The following MGAT4D variants were observed in gnomAD, a reference collection of about 807,000 sequenced individuals.
The protein encoded by MGAT4D is MGAT4 family member D.
MGAT4D carries 34 observed loss-of-function variants against 15.9 expected under a neutral mutation model. The observed-to-expected ratio is 2.14, with a 90% CI of 1.62 to 2.84. MGAT4D has a LOEUF of 2.84. MGAT4D is among the 30% of genes most tolerant of loss of function. The pLI is 0.00. For missense variants in MGAT4D, 327 were observed against 140.2 expected, an observed-to-expected ratio of 2.33 and a Z score of -6.73; for synonymous variants, 112 against 48.2, an observed-to-expected ratio of 2.33 and a Z score of -5.49.
At chr4:140,470,050 G>A (rs1044964225) in intron 5 of MGAT4D, among the ~76,000 whole-genome samples, 78 of 152,390 alleles carry the variant, frequency 5.1e-4, no homozygotes, top group Middle Eastern at 3.4e-3. Context: ...CTCCCGCGGT[G>A]GCGGAGGTTC....
intron 8 of MGAT4D, chr4:140,458,333 G>A (rs1030040138): frequency 2.6e-5 from 4 of 152,134 alleles, no homozygotes; most frequent in Admixed American, 1.3e-4. Context: ...TTCACTTGTA[G>A]ACAGCAAAAC....
intron 3 of MGAT4D, 117 bp downstream of exon 3, chr4:140,479,373 T>C (rs931559845): frequency 4.1e-5 from 15 of 361,492 alleles, no homozygotes; most frequent in African/African-American, 3.1e-4. Context: ...TAATGCCAGA[T>C]AGGCTGTAGT....
At chr4:140,446,153 G>C (rs943754210) in intron 10 of MGAT4D, among the ~76,000 whole-genome samples, 4 of 152,112 alleles carry the variant, frequency 2.6e-5, no homozygotes, top group Non-Finnish European at 5.9e-5. Context: ...TCTCTGCCAG[G>C]TTTTGGTATC....
rs563766612 is a variant in MGAT4D at position 140,482,474 on chromosome 4, T to C, written c.106A>G (p.Ile36Val). 3.2e-6 allele frequency: 2 copies of C among 634,236 alleles called. No individual in the cohort carries two copies. Among genetic ancestry groups the C allele is most frequent in the East Asian group, 5.7e-5 (2 of 35,028 alleles). The allele number at this position is 634,236 out of a possible 1,614,324, so 39.3% of individuals were successfully genotyped here. Residue 36 changes from isoleucine to valine, a missense_variant, in exon 2 of 11, where the codon ATT (isoleucine) becomes GTT (valine). Ile to Val is a conservative substitution (Grantham distance 29). Transcript: ENST00000511113. ...TCCAAAATATGGTTTCTACAGTTAA[T>C]TAATTGATTATCTGCAATGAAAACA... ...YRITQTNNQL[I>V]NCRNHILEFK...
chr4:140,482,586 T>C (rs1281228953), intron 1 of MGAT4D, 101 bp from the exon 2 acceptor site: 3 of 491,614 alleles, frequency 6.1e-6, no homozygotes, highest in Non-Finnish European at 1.1e-5. Context: ...AATATAGTTA[T>C]ATATAGTACT....
At chr4:140,450,351 T>A (rs181287847) in intron 10 of MGAT4D, among the ~76,000 whole-genome samples, 1 of 152,176 alleles carries the variant, frequency 6.6e-6, no homozygotes, top group African/African-American at 2.4e-5. Flanking sequence ...CCCGTTATAA[T>A]AGCATCAAAA....
intron 5 of MGAT4D, among the ~76,000 whole-genome samples, chr4:140,467,740 G>A (rs979612005): frequency 1.3e-5 from 2 of 152,010 alleles, no homozygotes; most frequent in African/African-American, 4.8e-5. Context: ...ACTCTAGGTT[G>A]TTGCCATTAA....
At chr4:140,487,482 C>G (rs1470950520) in intron 1 of MGAT4D, among the ~76,000 whole-genome samples, 1 of 152,066 alleles carries the variant, frequency 6.6e-6, no homozygotes, top group Non-Finnish European at 1.5e-5. Context: ...TGCTAGTAGT[C>G]ACATTTTAAA....
chr4:140,485,805 T>A, intron 1 of MGAT4D, among the ~76,000 whole-genome samples: 1 of 18,164 alleles, frequency 5.5e-5, no homozygotes, highest in Non-Finnish European at 1.2e-4. Flanking sequence ...AGCAAGACCC[T>A]GTCTTAAAAA....
At chr4:140,474,048 G>A (rs1732155144) in intron 4 of MGAT4D, among the ~76,000 whole-genome samples, 2 of 152,072 alleles carry the variant, frequency 1.3e-5, no homozygotes, top group African/African-American at 4.8e-5. Context: ...CTTAGGATAA[G>A]TTCCCAGAAT....
intron 5 of MGAT4D, among the ~76,000 whole-genome samples, chr4:140,469,952 G>C (rs1032903115): frequency 1.3e-5 from 2 of 152,212 alleles, no homozygotes; most frequent in African/African-American, 2.4e-5. Flanking sequence ...CTTGCTAGCG[G>C]GGTACCGGTT....
Position 140,482,490 on chromosome 4 carries a change from A to G in MGAT4D, c.95-5T>C, listed in dbSNP as rs956796595. On this transcript the variant is annotated splice_polypyrimidine_tract_variant and splice_region_variant and intron_variant, in intron 1 of 10. Transcript: ENST00000511113. ...TACAGTTAATTAATTGATTATCTGCAATGAAAACATATGTATATATTTGTA... is the reference window on the plus strand; with the variant it reads ...TACAGTTAATTAATTGATTATCTGCGATGAAAACATATGTATATATTTGTA... 1.8e-4 allele frequency: 113 copies of G among 629,056 alleles called. 1 individual carries two copies. In the Admixed American group the frequency reaches 2.4e-3, roughly 13 times the overall value. The allele number at this position is 629,056 out of a possible 1,614,324, so 39.0% of individuals were successfully genotyped here.
chr4:140,453,664 G>C (rs996645638), intron 9 of MGAT4D, among the ~76,000 whole-genome samples: 7 of 151,940 alleles, frequency 4.6e-5, no homozygotes, highest in African/African-American at 1.7e-4. Flanking sequence ...CTGTTCTCAT[G>C]AAAGTGAGTG....
chr4:140,486,408 G>A (rs1578713643), intron 1 of MGAT4D, among the ~76,000 whole-genome samples: 1 of 151,936 alleles, frequency 6.6e-6, no homozygotes, highest in Non-Finnish European at 1.5e-5. Context: ...GAATGTGCAG[G>A]TTTGTTACAT....
intron 8 of MGAT4D, chr4:140,459,226 T>C (rs1004980157): frequency 1.2e-5 from 2 of 171,590 alleles, no homozygotes; most frequent in Non-Finnish European, 2.5e-5. Context: ...CTAACATGTG[T>C]GCCAGACTCA....
intron 2 of MGAT4D, among the ~76,000 whole-genome samples, chr4:140,480,762 CA>C (rs1732658252): frequency 6.6e-6 from 1 of 150,960 alleles, no homozygotes; most frequent in Non-Finnish European, 1.5e-5. Context: ...CACACACACA[CA>C]CACACACACA....
intron 8 of MGAT4D, chr4:140,456,951 T>A (rs1164136742): frequency 4.5e-6 from 1 of 223,920 alleles, no homozygotes; most frequent in Non-Finnish European, 8.7e-6. Context: ...GTCAATACTC[T>A]CAGGAAATCA....
intron 3 of MGAT4D, 74 bp from the exon 4 acceptor site, chr4:140,475,020 T>C: frequency 4.3e-6 from 2 of 468,852 alleles, no homozygotes. Flanking sequence ...ATTCTATGCT[T>C]ATTCCTATGT....
intron 9 of MGAT4D, among the ~76,000 whole-genome samples, chr4:140,453,650 C>T (rs894696831): frequency 4.0e-5 from 6 of 151,886 alleles, no homozygotes; most frequent in Non-Finnish European, 8.8e-5. Flanking sequence ...AAATTTCCCC[C>T]ATGCTGTTCT....
Sources: gnomAD v4.1 joint callset for allele counts (sites outside exome capture counted in the v4.1 genomes callset) on GRCh38, gnomAD v4.1.1 for gene constraint, MANE v1.5 for transcripts, NCBI Gene and HGNC (gene_info 2026-07-23, HGNC 2026-07-21) for gene names.